The following CLSTN1 variants were observed in gnomAD, a reference collection of about 807,000 sequenced individuals.
CLSTN1 encodes calsyntenin-1.
Under a neutral mutation model 108.3 loss-of-function variants are expected in CLSTN1, and 28 were observed. That is an observed-to-expected ratio of 0.26 (90% confidence interval 0.19 to 0.35). The LOEUF (loss-of-function observed/expected upper bound fraction) is 0.35, where lower values mean the gene tolerates loss of function less well. Among genes scored for constraint, CLSTN1 ranks in the 10% least tolerant of loss-of-function variants. The probability of loss-of-function intolerance (pLI) is 1.00; values close to 1 mark genes in which losing one functional copy is unlikely to be tolerated. For synonymous variants in CLSTN1, 524 were observed against 534.9 expected (o/e 0.98, Z 0.28); for missense variants, 1,157 against 1,302.6 (o/e 0.89, Z 1.72).
Position 9,736,889 on chromosome 1 carries a change from A to G in CLSTN1, c.1576+609T>C, listed in dbSNP as rs1426202063. 3.3e-5 allele frequency among the ~76,000 whole-genome samples: 5 copies of G among 152,224 alleles called. No individual in the cohort carries two copies. The East Asian group carries it at 9.7e-4, about 29-fold the overall frequency. On this transcript the variant is annotated intron_variant, in intron 11 of 18. Transcript: ENST00000377298. ...AGAGTTTGAGACCAGCCTGGCGAAC[A>G]TGGCGAAACCCCGTCTCTACTAAAA... is the stretch of plus-strand genomic sequence containing the variant.
chr1:9,737,516 C>T lies in CLSTN1; in HGVS notation c.1558G>A (p.Val520Met), dbSNP rs1650756613. 6.2e-7 allele frequency: 1 copy of T among 1,614,110 alleles called. No individual in the cohort carries two copies. Among genetic ancestry groups the T allele is most frequent in the Non-Finnish European group, 8.5e-7 (1 of 1,179,972 alleles). The part of the protein sequence containing the change: ...GVENDNETEP[V>M]TVASAGGDLH... ...CAGCAACCTGCAGAGGCCACAGTCA[C>T]AGGCTCAGTTTCATTGTCATTTTCA... is the stretch of plus-strand genomic sequence containing the variant. The change falls in exon 11 of 19, where the codon GTG (valine) becomes ATG (methionine). Residue 520 changes from valine to methionine, a missense_variant. Transcript: ENST00000377298.
At chr1:9,731,667 G>C (rs574112787) in intron 17 of CLSTN1, 94 bp downstream of exon 17, 1 of 1,267,612 alleles carries the variant, frequency 7.9e-7, no homozygotes, top group Non-Finnish European at 1.1e-6. Context: ...AAAGACCGGC[G>C]GTCATGCTGA....
At chr1:9,760,404 T>A (rs1025885388) in intron 2 of CLSTN1, among the ~76,000 whole-genome samples, 2 of 152,254 alleles carry the variant, frequency 1.3e-5, no homozygotes, top group East Asian at 3.9e-4. Context: ...TGCTGAGCCA[T>A]CTGCAGGGTC....
At chr1:9,732,179 T>A (rs999366860) in intron 16 of CLSTN1, among the ~76,000 whole-genome samples, 4 of 152,156 alleles carry the variant, frequency 2.6e-5, no homozygotes, top group African/African-American at 9.7e-5. Flanking sequence ...CAGAAATGTA[T>A]CACTTTTCTA....
At position 9,814,708 on chromosome 1, in the gene CLSTN1, G is replaced by A. The variant is rs769030992; in HGVS notation, c.91+8935C>T. 1.2e-4 allele frequency among the ~76,000 whole-genome samples: 19 copies of A among 152,204 alleles called. No homozygotes were observed. The Middle Eastern group carries it at 0.01, about 82-fold the overall frequency. ...GCAGAATGCTTGAGCCCAAAAGTTC[G>A]AGACCAGCCTGGGCAACATAGGAAG... On this transcript the variant is annotated intron_variant, in intron 1 of 18. Coordinates refer to ENST00000377298, the MANE Select transcript of CLSTN1 (RefSeq NM_001009566.3).
intron 1 of CLSTN1, among the ~76,000 whole-genome samples, chr1:9,777,149 G>A (rs1652991738): frequency 6.6e-6 from 1 of 151,414 alleles, no homozygotes; most frequent in Non-Finnish European, 1.5e-5. Context: ...GAACCTGGGA[G>A]GTGCAGGTTG....
In CLSTN1 at chr1:9,744,735, CA is replaced by C. The variant is rs201254566; in HGVS notation, c.986-93del. The stretch of plus-strand genomic sequence containing the variant: ...GGCACGTGCTTGTCTTACACTTAGG[CA>C]ATCTGCTGGCTCCAGTTTACTTTTT... On this transcript the variant is annotated intron_variant, in intron 7 of 18. Transcript: ENST00000377298. 4.1e-3 allele frequency: 5,684 copies of C among 1,384,806 alleles called. 66 individuals carry two copies. In the East Asian group the frequency reaches 0.047, roughly 12 times the overall value. The allele number at this position is 1,384,806 out of a possible 1,614,324, so 85.8% of individuals were successfully genotyped here. A position where few individuals can be genotyped will look rare whatever the true frequency, so the allele number is the denominator to read the frequency against.
Position 9,800,557 on chromosome 1 carries a change from G to GAAA in CLSTN1, c.91+23083_91+23085dup, listed in dbSNP as rs55929301. Among the ~76,000 whole-genome samples, 198 of 77,316 alleles carry GAAA rather than the reference G, an allele frequency of 2.6e-3. 2 individuals are homozygous for GAAA. In the East Asian group the frequency reaches 0.034, roughly 13 times the overall value. The allele number at this position is 77,316 out of a possible 152,430, so 50.7% of individuals were successfully genotyped here. On this transcript the variant is annotated intron_variant, in intron 1 of 18. Transcript: ENST00000377298. ...ATACAGTGAAACCCCGTCTCCACTA[G>GAAA]AAAAAAAAAAAAAAAAAAAAAAATT... is the stretch of plus-strand genomic sequence containing the variant.
In CLSTN1 at chr1:9,733,472, G is replaced by C; in HGVS notation, c.2356C>G (p.Leu786Val). The part of the protein sequence containing the change: ...RYRNWHARSL[L>V]DRKFKLICSE... ...CAGATGAGCTTAAACTTCCGGTCAAGCAAGGACCTGGCATGCCAGTTCCGA... is the reference window on the plus strand; with the variant it reads ...CAGATGAGCTTAAACTTCCGGTCAACCAAGGACCTGGCATGCCAGTTCCGA... Residue 786 changes from leucine (L) to valine (V), a missense_variant, in exon 16 of 19, where the codon CTT becomes GTT. Physicochemically the swap from Leu to Val is conservative, Grantham distance 32. Coordinates refer to ENST00000377298, the MANE Select transcript of CLSTN1 (RefSeq NM_001009566.3). 6.2e-7 allele frequency: 1 copy of C among 1,614,204 alleles called. No homozygotes were observed. Among genetic ancestry groups the C allele is most frequent in the Non-Finnish European group, 8.5e-7 (1 of 1,180,028 alleles).
rs1158981752 is a variant in CLSTN1 at position 9,819,185 on chromosome 1, C to A, written c.91+4458G>T. Among the ~76,000 whole-genome samples the A allele has an allele frequency of 2.0e-5, 3 of 152,126 alleles. 1 individual carries two copies. The East Asian group carries it at 5.8e-4, about 29-fold the overall frequency. On this transcript the variant is annotated intron_variant, in intron 1 of 18. Coordinates refer to ENST00000377298, the MANE Select transcript of CLSTN1 (RefSeq NM_001009566.3). ...TCAACCAGAATACATAAGAAATAGA[C>A]TCTTGGCGGTTTTTTAGGATAATCA...
intron 10 of CLSTN1, among the ~76,000 whole-genome samples, chr1:9,738,404 C>T (rs1650802252): frequency 6.6e-6 from 1 of 152,180 alleles, no homozygotes; most frequent in Admixed American, 6.5e-5. Context: ...TTTTGGGCTG[C>T]GGCTGTGCGG....
intron 9 of CLSTN1, among the ~76,000 whole-genome samples, chr1:9,741,919 C>T (rs1651003624): frequency 6.6e-6 from 1 of 152,110 alleles, no homozygotes; most frequent in Admixed American, 6.5e-5. Flanking sequence ...CTCCTCCCCA[C>T]CGCCGACAAA....
chr1:9,764,629 T>C, intron 2 of CLSTN1, among the ~76,000 whole-genome samples: 1 of 107,696 alleles, frequency 9.3e-6, no homozygotes, highest in Non-Finnish European at 1.8e-5. Flanking sequence ...GAAGTGAGGC[T>C]CCATCTTTAA....
intron 9 of CLSTN1, 62 bp from the exon 10 acceptor site, chr1:9,741,318 A>T: frequency 6.6e-7 from 1 of 1,507,290 alleles, no homozygotes; most frequent in South Asian, 1.2e-5. Flanking sequence ...ATCAATGCCC[A>T]TGGAAACCAA....
intron 11 of CLSTN1, 71 bp from the exon 12 acceptor site, chr1:9,736,113 C>T: frequency 6.3e-7 from 1 of 1,589,430 alleles, no homozygotes; most frequent in Non-Finnish European, 8.6e-7. Flanking sequence ...TCTCACTCAA[C>T]ACGGTGTTAC....
intron 12 of CLSTN1, 28 bp from the exon 13 acceptor site, chr1:9,735,643 G>A (rs1650646856): frequency 6.2e-7 from 1 of 1,613,704 alleles, no homozygotes; most frequent in South Asian, 1.1e-5. Context: ...ACAGAGAGGA[G>A]AAGAATAAGC....
chr1:9,735,089 G>A lies in CLSTN1; in HGVS notation c.1969C>T (p.Leu657=), dbSNP rs1217718590. The change falls in exon 14 of 19, where the codon CTG becomes TTG. Residue 657 remains leucine, a synonymous_variant. Transcript: ENST00000377298. ...CGGGCAAAATGGTGGACGCCACTCA[G>A]GCTGATCTTGGGCTCCTCGGGCTGT... The part of the protein sequence containing the change: ...VLQPEEPKIS[L]SGVHHFARAA... 3 of 1,614,110 alleles carry A rather than the reference G, an allele frequency of 1.9e-6. No homozygotes were observed. The African/African-American group carries it at 4.0e-5, about 22-fold the overall frequency.
intron 1 of CLSTN1, among the ~76,000 whole-genome samples, chr1:9,795,903 G>A (rs1026122162): frequency 1.3e-5 from 2 of 149,868 alleles, no homozygotes; most frequent in South Asian, 2.2e-4. Flanking sequence ...TGCAGTGAGC[G>A]ATGATCACAC....
intron 1 of CLSTN1, among the ~76,000 whole-genome samples, chr1:9,815,123 C>G (rs546638964): frequency 6.6e-5 from 10 of 152,284 alleles, no homozygotes; most frequent in African/African-American, 2.2e-4. Flanking sequence ...CCTCAGTGCT[C>G]TCAGTCTCTC....
Sources: allele counts gnomAD v4.1 joint callset (sites outside exome capture counted in the v4.1 genomes callset), GRCh38; gene constraint gnomAD v4.1.1; transcripts MANE v1.5; gene names NCBI Gene and HGNC (gene_info 2026-07-23, HGNC 2026-07-21).